Variants in LDLRAD4 observed in about 807,000 individuals in gnomAD.
LDLRAD4 encodes the protein low-density lipoprotein receptor class A domain-containing protein 4.
A neutral mutation model predicts 17.0 loss-of-function variants in LDLRAD4; 5 were observed. That is an observed-to-expected ratio of 0.29 (90% confidence interval 0.15 to 0.62). The LOEUF (loss-of-function observed/expected upper bound fraction) is 0.62, where lower values mean the gene tolerates loss of function less well. LDLRAD4 is among the 20% of genes least tolerant of loss of function. The pLI, the probability that LDLRAD4 is intolerant of heterozygous loss-of-function variation, is 0.84. For synonymous variants in LDLRAD4, 168 were observed against 171.8 expected (o/e 0.98, Z 0.17); for missense variants, 340 against 424.7 (o/e 0.80, Z 1.75).
chr18:13,608,445 G>A (rs543777680), intron 3 of LDLRAD4, among the ~76,000 whole-genome samples: 2 of 152,264 alleles, frequency 1.3e-5, no homozygotes, highest in South Asian at 4.1e-4. Context: ...AGAGATGACA[G>A]TTACAGATTC....
At chr18:13,251,780 C>T (rs1598906938) in intron 1 of LDLRAD4, among the ~76,000 whole-genome samples, 1 of 152,350 alleles carries the variant, frequency 6.6e-6, no homozygotes, top group Middle Eastern at 3.4e-3. Flanking sequence ...GATGACCATA[C>T]TGCCCAAAGA....
At chr18:13,349,916 G>A (rs1223736494) in intron 1 of LDLRAD4, among the ~76,000 whole-genome samples, 3 of 151,832 alleles carry the variant, frequency 2.0e-5, no homozygotes, top group African/African-American at 7.3e-5. Flanking sequence ...AGTTTGCTGT[G>A]GATGATGGCT....
rs1347946520 is a variant in LDLRAD4, at chr18:13,441,528, T to G, written c.181+3144T>G. ...GGGGATATACTCAGTGTTCCGGATC[T>G]GAGGGCACTGAGGCTGAAGCGAGGT... is the stretch of plus-strand genomic sequence containing the variant. On this transcript the variant is annotated intron_variant, in intron 3 of 5. Transcript: ENST00000359446. 4.6e-5 allele frequency among the ~76,000 whole-genome samples: 7 copies of G among 152,236 alleles called. No individual in the cohort carries two copies. In the East Asian group the frequency reaches 1.2e-3, roughly 25 times the overall value.
intron 3 of LDLRAD4, among the ~76,000 whole-genome samples, chr18:13,577,419 G>T (rs2094790824): frequency 6.6e-6 from 1 of 152,134 alleles, no homozygotes; most frequent in Admixed American, 6.5e-5. Flanking sequence ...TGGGGAACAT[G>T]CCTTTGCTCA....
intron 1 of LDLRAD4, among the ~76,000 whole-genome samples, chr18:13,220,891 C>T (rs112680575): frequency 2.8e-4 from 42 of 152,326 alleles, no homozygotes; most frequent in Middle Eastern, 3.4e-3. Context: ...GAGCTCCTGA[C>T]GTCTCTGCAT....
intron 2 of LDLRAD4, among the ~76,000 whole-genome samples, chr18:13,406,129 G>T (rs937441867): frequency 6.6e-6 from 1 of 152,192 alleles, no homozygotes; most frequent in Non-Finnish European, 1.5e-5. Context: ...CAGTGCTAGG[G>T]GACCCACGCC....
chr18:13,253,734 CT>C (rs1326543315), intron 1 of LDLRAD4, among the ~76,000 whole-genome samples: 1 of 152,200 alleles, frequency 6.6e-6, no homozygotes, highest in African/African-American at 2.4e-5. Flanking sequence ...TGTTTTATTT[CT>C]TTTCATTAGA....
At chr18:13,320,744 A>G (rs2143259986) in intron 1 of LDLRAD4, among the ~76,000 whole-genome samples, 1 of 152,310 alleles carries the variant, frequency 6.6e-6, no homozygotes, top group East Asian at 1.9e-4. Context: ...CCGGGGAGCA[A>G]TGGGGCAACT....
At chr18:13,240,491 A>G (rs942378673) in intron 1 of LDLRAD4, 1 of 152,256 alleles carries the variant, frequency 6.6e-6, no homozygotes, top group African/African-American at 2.4e-5. Context: ...GAGGTGCTCC[A>G]AGACAGCGTC....
intron 4 of LDLRAD4, among the ~76,000 whole-genome samples, chr18:13,628,725 G>T (rs892143853): frequency 6.6e-6 from 1 of 152,202 alleles, no homozygotes; most frequent in Non-Finnish European, 1.5e-5. Flanking sequence ...AACCACAGTG[G>T]GCAGAGCTTT....
chr18:13,229,285 C>T (rs988611049), intron 1 of LDLRAD4, among the ~76,000 whole-genome samples: 2 of 152,198 alleles, frequency 1.3e-5, no homozygotes, highest in Non-Finnish European at 2.9e-5. Context: ...TGCTGCCGGG[C>T]CCCTTGAAGG....
chr18:13,571,045 C>A (rs189779941), intron 3 of LDLRAD4, among the ~76,000 whole-genome samples: 1 of 152,126 alleles, frequency 6.6e-6, no homozygotes, highest in African/African-American at 2.4e-5. Flanking sequence ...GCCTCAAACT[C>A]CTGGCCTCAA....
At chr18:13,642,256 A>G in intron 4 of LDLRAD4, 1 of 987,212 alleles carries the variant, frequency 1.0e-6, no homozygotes, top group Non-Finnish European at 1.2e-6. Context: ...TCGGAGGCTC[A>G]GTGATGGCCC....
At chr18:13,417,329 G>C (rs578249731) in intron 2 of LDLRAD4, among the ~76,000 whole-genome samples, 11 of 152,300 alleles carry the variant, frequency 7.2e-5, no homozygotes, top group Non-Finnish European at 1.3e-4. Context: ...CAATGCGAAA[G>C]TTAGGTCTTA....
intron 3 of LDLRAD4, among the ~76,000 whole-genome samples, chr18:13,452,362 G>A (rs112938844): frequency 3.3e-5 from 5 of 152,216 alleles, no homozygotes; most frequent in African/African-American, 9.6e-5. Flanking sequence ...ACTGGGTGCC[G>A]TGGAGGGGGG....
At chr18:13,612,793 G>T in intron 3 of LDLRAD4, 1 of 1,613,926 alleles carries the variant, frequency 6.2e-7, no homozygotes, top group Non-Finnish European at 8.5e-7. Context: ...CCCAAGAACT[G>T]CTATGGATGA....
At chr18:13,384,655 T>A (rs1331642080) in intron 1 of LDLRAD4, among the ~76,000 whole-genome samples, 1 of 152,214 alleles carries the variant, frequency 6.6e-6, no homozygotes, top group Non-Finnish European at 1.5e-5. Context: ...ATAAGTGAGA[T>A]CATGTAGTAC....
At chr18:13,447,013 T>C (rs1272992816) in intron 3 of LDLRAD4, among the ~76,000 whole-genome samples, 1 of 152,042 alleles carries the variant, frequency 6.6e-6, no homozygotes, top group Non-Finnish European at 1.5e-5. Context: ...GAGGCTGGGG[T>C]GAGGGGCTCT....
chr18:13,265,225 T>C (rs2044148661), intron 1 of LDLRAD4, among the ~76,000 whole-genome samples: 1 of 152,144 alleles, frequency 6.6e-6, no homozygotes, highest in Non-Finnish European at 1.5e-5. Flanking sequence ...CCCCTCCTCA[T>C]ATCCTTCCCT....
Sources: gnomAD v4.1 joint callset for allele counts (sites outside exome capture counted in the v4.1 genomes callset) on GRCh38, gnomAD v4.1.1 for gene constraint, MANE v1.5 for transcripts, NCBI Gene and HGNC (gene_info 2026-07-23, HGNC 2026-07-21) for gene names.